Variants in TRPM1 observed in about 807,000 individuals in gnomAD.
TRPM1 encodes transient receptor potential cation channel subfamily M member 1.
A neutral mutation model predicts 149.4 loss-of-function variants in TRPM1; 113 were observed. The ratio of observed to expected loss-of-function variants is 0.76; its 90% CI spans 0.65 to 0.88. TRPM1 has a LOEUF of 0.88. Ranked by LOEUF, TRPM1 falls within the 40% of genes least tolerant of loss-of-function variation. The pLI is 0.00. For synonymous variants in TRPM1, 741 were observed against 759.5 expected (o/e 0.98, Z 0.40); for missense variants, 1,976 against 2,038.7 (o/e 0.97, Z 0.59).
intron 2 of TRPM1, among the ~76,000 whole-genome samples, chr15:31,079,673 C>A (rs2034806440): frequency 6.6e-6 from 1 of 152,230 alleles, no homozygotes. Flanking sequence ...TGCATATCAG[C>A]AGGCAGGGAC....
chr15:31,044,780 C>CAAAA (rs58619377), intron 16 of TRPM1, among the ~76,000 whole-genome samples: 3 of 69,520 alleles, frequency 4.3e-5, no homozygotes, highest in Non-Finnish European at 6.0e-5. Context: ...GACTCCTACT[C>CAAAA]AAAAAAAAAA....
At chr15:31,113,331 G>C (rs776412186) in intron 1 of TRPM1, among the ~76,000 whole-genome samples, 16 of 152,130 alleles carry the variant, frequency 1.1e-4, no homozygotes, top group African/African-American at 3.9e-4. Context: ...CCCTGACTGG[G>C]AAAGACTTGG....
At chr15:31,144,711 G>GTTTTTTTTTTTTT (rs1567078292) in intron 1 of TRPM1, among the ~76,000 whole-genome samples, 1 of 142,932 alleles carries the variant, frequency 7.0e-6, no homozygotes. Flanking sequence ...TTGTTTTTGA[G>GTTTTTTTTTTTTT]ATTTTTTTTT....
chr15:31,031,002 C>T lies in TRPM1; in HGVS notation c.3108G>A (p.Val1036=), dbSNP rs1434224694. 1.2e-6 allele frequency: 2 copies of T among 1,614,180 alleles called. No individual in the cohort carries two copies. Among genetic ancestry groups the T allele is most frequent in the Non-Finnish European group, 1.7e-6 (2 of 1,180,018 alleles). ...YMPYWMIYGE[V]FADQIDLYAM... is the part of the protein sequence containing the mutation. ...TCTTACGGTCTATCTGGTCTGCAAA[C>T]ACCTCTCCATAGATCATCCAGTAGG... Residue 1036 remains valine (V), a synonymous_variant, in exon 23 of 28, where the codon GTG becomes GTA. Coordinates refer to ENST00000256552, the MANE Select transcript of TRPM1 (RefSeq NM_001252024.2).
chr15:31,036,026 G>A (rs1219628202), intron 20 of TRPM1: 1 of 347,084 alleles, frequency 2.9e-6, no homozygotes, highest in Non-Finnish European at 5.6e-6. Context: ...CCTGGAAACT[G>A]GAAAATGTTA....
chr15:31,087,279 C>T (rs1170368364), intron 1 of TRPM1, among the ~76,000 whole-genome samples: 1 of 105,340 alleles, frequency 9.5e-6, no homozygotes, highest in Non-Finnish European at 1.7e-5. Flanking sequence ...GAGTCTTGCT[C>T]TGTGCCCCAG....
chr15:31,121,990 A>T (rs887443917), intron 1 of TRPM1, among the ~76,000 whole-genome samples: 3 of 152,226 alleles, frequency 2.0e-5, no homozygotes, highest in Non-Finnish European at 4.4e-5. Context: ...ATACACCATG[A>T]CCAAATTAGA....
chr15:31,038,233 T>A (rs1371109381), intron 18 of TRPM1, 67 bp from the exon 19 acceptor site: 8 of 1,576,656 alleles, frequency 5.1e-6, no homozygotes, highest in Non-Finnish European at 6.1e-6. Flanking sequence ...ATAGTTAAAA[T>A]TTTTAAATTA....
intron 1 of TRPM1, among the ~76,000 whole-genome samples, chr15:31,146,706 G>T (rs1567079396): frequency 6.6e-6 from 1 of 152,168 alleles, no homozygotes; most frequent in East Asian, 1.9e-4. Flanking sequence ...CCAATTCAAG[G>T]CCGGGTGCGG....
intron 11 of TRPM1, among the ~76,000 whole-genome samples, chr15:31,055,664 C>G (rs1309596822): frequency 1.3e-5 from 2 of 152,154 alleles, no homozygotes; most frequent in Non-Finnish European, 2.9e-5. Flanking sequence ...AGGCCCAGAG[C>G]CCATCAGCCC....
At chr15:31,155,998 A>G (rs1044586272) in intron 1 of TRPM1, among the ~76,000 whole-genome samples, 1 of 151,888 alleles carries the variant, frequency 6.6e-6, no homozygotes, top group Non-Finnish European at 1.5e-5. Context: ...GGAGTTGAAG[A>G]CCAGCCTGGC....
At chr15:31,091,519 A>C (rs2035240027) in intron 1 of TRPM1, among the ~76,000 whole-genome samples, 1 of 152,202 alleles carries the variant, frequency 6.6e-6, no homozygotes, top group African/African-American at 2.4e-5. Context: ...GCAGATCCGA[A>C]GGGCAGGGAA....
Position 31,001,551 on chromosome 15 carries a change from A to G in TRPM1, c.*271T>C. On this transcript the variant is annotated 3_prime_UTR_variant, in exon 28 of 28. Coordinates refer to ENST00000256552, the MANE Select transcript of TRPM1 (RefSeq NM_001252024.2). The stretch of plus-strand genomic sequence containing the variant: ...GCTATTTGGTGGCCCTCAGTAATAA[A>G]GAGATTGTATAATCTTGTATACTGA... 1 of 494,984 alleles carries G rather than the reference A, an allele frequency of 2.0e-6. No homozygotes were observed. The highest frequency in any genetic ancestry group is 3.6e-6 in the Non-Finnish European group (1 of 279,188). 30.7% of individuals were successfully genotyped at this position (494,984 alleles called of 1,614,324 possible).
At chr15:31,122,313 A>T (rs2035891319) in intron 1 of TRPM1, among the ~76,000 whole-genome samples, 1 of 152,176 alleles carries the variant, frequency 6.6e-6, no homozygotes, top group Admixed American at 6.5e-5. Flanking sequence ...TTTCAACATC[A>T]TACTGAAAAT....
intron 7 of TRPM1, among the ~76,000 whole-genome samples, chr15:31,065,398 A>T (rs2034343898): frequency 6.6e-6 from 1 of 152,244 alleles, no homozygotes; most frequent in African/African-American, 2.4e-5. Context: ...GCTCTTTCAG[A>T]TCATTTAACA....
chr15:31,084,035 C>T (rs985065671), intron 1 of TRPM1, among the ~76,000 whole-genome samples: 2 of 152,156 alleles, frequency 1.3e-5, no homozygotes, highest in African/African-American at 4.8e-5. Context: ...CACAGCCGAC[C>T]CCTCTCCTGG....
upstream of TRPM1, among the ~76,000 whole-genome samples, chr15:31,105,228 G>C (rs576521395): frequency 3.9e-4 from 59 of 152,160 alleles, no homozygotes; most frequent in Admixed American, 1.4e-3. Flanking sequence ...GCCACCCCAG[G>C]AATCTCTGAG....
rs1188684294 is a variant in TRPM1 at position 31,066,067 on chromosome 15, A to C, written c.790+9T>G. On this transcript the variant is annotated intron_variant, in intron 7 of 27. Coordinates refer to ENST00000256552, the MANE Select transcript of TRPM1 (RefSeq NM_001252024.2). The stretch of plus-strand genomic sequence containing the variant: ...CCCAGGAGGACTGCGTGCCTTTGCC[A>C]GCACTTACTTGTGTTGATCTTCTGC... 1 of 1,613,162 alleles carries C rather than the reference A, an allele frequency of 6.2e-7. No individual in the cohort carries two copies. The highest frequency in any genetic ancestry group is 1.7e-5 in the Admixed American group (1 of 60,004).
intron 22 of TRPM1, among the ~76,000 whole-genome samples, chr15:31,032,175 T>C (rs2033114318): frequency 6.6e-6 from 1 of 152,080 alleles, no homozygotes; most frequent in Non-Finnish European, 1.5e-5. Flanking sequence ...TCCTATTGCA[T>C]CAAAAATTGA....
Sources: gnomAD v4.1 joint callset for allele counts (sites outside exome capture counted in the v4.1 genomes callset) on GRCh38, gnomAD v4.1.1 for gene constraint, MANE v1.5 for transcripts, NCBI Gene and HGNC (gene_info 2026-07-23, HGNC 2026-07-21) for gene names.